RGS7: variants seen among roughly 807,000 people sequenced by gnomAD.
RGS7 encodes regulator of G-protein signaling 7.
In RGS7, 27 loss-of-function variants were observed where a neutral mutation model predicts 81.1. The ratio of observed to expected loss-of-function variants is 0.33; its 90% CI spans 0.25 to 0.46. The LOEUF is 0.46. Among genes scored for constraint, RGS7 ranks in the 20% least tolerant of loss-of-function variants. The probability of loss-of-function intolerance (pLI) is 1.00; values close to 1 mark genes in which losing one functional copy is unlikely to be tolerated. For missense variants in RGS7, 396 were observed against 607.4 expected (o/e 0.65, Z 3.66); for synonymous variants, 208 against 207.7 (o/e 1.00, Z -0.01).
intron 2 of RGS7, 42 bp from the exon 3 acceptor site, chr1:241,098,804 C>A (rs1461648461): frequency 6.8e-7 from 1 of 1,463,974 alleles, no homozygotes. Context: ...TAAAGTTGAA[C>A]TTTTTTGAAA....
At chr1:241,258,706 T>C (rs1205584577) in intron 2 of RGS7, among the ~76,000 whole-genome samples, 2 of 152,154 alleles carry the variant, frequency 1.3e-5, no homozygotes, top group African/African-American at 4.8e-5. Flanking sequence ...TGAACTGATT[T>C]GGGCTAGAAA....
rs1245816529 is a variant in RGS7 at position 241,197,497 on chromosome 1, G to A, written c.79-98735C>T. Among the ~76,000 whole-genome samples the A allele has an allele frequency of 1.2e-3, 7 of 5,754 alleles. 3 individuals carry two copies. The highest frequency in any genetic ancestry group is 3.4e-3 in the Non-Finnish European group (7 of 2,054). 3.8% of individuals were successfully genotyped at this position (5,754 alleles called of 152,430 possible). Reference sequence around the variant, plus strand: ...TCTCGATCTCCTGACCTCGTGATCCGCCCGCCTCGGCCTCCCAAAGTGCTG... The same window carrying A: ...TCTCGATCTCCTGACCTCGTGATCCACCCGCCTCGGCCTCCCAAAGTGCTG... On this transcript the variant is annotated intron_variant, in intron 2 of 18. Transcript: ENST00000440928.
At chr1:241,048,734 TC>T (rs2061084635) in intron 3 of RGS7, among the ~76,000 whole-genome samples, 1 of 152,190 alleles carries the variant, frequency 6.6e-6, no homozygotes, top group African/African-American at 2.4e-5. Flanking sequence ...GGTCTTTTCA[TC>T]CCATTCTTAT....
At chr1:240,942,859 T>C (rs1024256712) in intron 4 of RGS7, among the ~76,000 whole-genome samples, 1 of 152,224 alleles carries the variant, frequency 6.6e-6, no homozygotes, top group Non-Finnish European at 1.5e-5. Context: ...AGATTATTCA[T>C]GTAGAAAAAT....
chr1:241,240,802 G>A (rs1027793842), intron 2 of RGS7, among the ~76,000 whole-genome samples: 15 of 152,054 alleles, frequency 9.9e-5, no homozygotes, highest in African/African-American at 2.7e-4. Context: ...ATAGGTAAAC[G>A]GCTAGGATCG....
At chr1:241,131,504 C>G (rs1229006685) in intron 2 of RGS7, among the ~76,000 whole-genome samples, 1 of 152,060 alleles carries the variant, frequency 6.6e-6, no homozygotes, top group Non-Finnish European at 1.5e-5. Flanking sequence ...TGGTTGGGAA[C>G]CACACTTTGA....
chr1:240,780,730 A>C (rs1322112540), intron 18 of RGS7, among the ~76,000 whole-genome samples: 1 of 151,890 alleles, frequency 6.6e-6, no homozygotes, highest in African/African-American at 2.4e-5. Flanking sequence ...CCTGGCCAAC[A>C]TGTTGAAACC....
In RGS7 at chr1:240,936,725, C is replaced by CA. The variant is rs1189201257; in HGVS notation, c.227-20dup. ...GCCTCCACTGTTTTATGAAAACAAA[C>CA]AAAGAACATAAAAAAGCCTTTTAAA... On this transcript the variant is annotated intron_variant, in intron 4 of 18. Coordinates refer to ENST00000440928, the MANE Select transcript of RGS7 (RefSeq NM_001364886.1). 6.3e-7 allele frequency: 1 copy of CA among 1,576,314 alleles called. No individual in the cohort carries two copies. The highest frequency in any genetic ancestry group is 8.7e-7 in the Non-Finnish European group (1 of 1,145,834).
At chr1:241,141,289 G>C (rs1327182533) in intron 2 of RGS7, among the ~76,000 whole-genome samples, 1 of 152,150 alleles carries the variant, frequency 6.6e-6, no homozygotes, top group African/African-American at 2.4e-5. Context: ...CCATGAGGCA[G>C]TTCAAATCTG....
At chr1:241,151,579 T>C (rs1461294229) in intron 2 of RGS7, among the ~76,000 whole-genome samples, 1 of 150,084 alleles carries the variant, frequency 6.7e-6, no homozygotes, top group Admixed American at 6.6e-5. Flanking sequence ...TTTTTTTTTT[T>C]TTTTTTTTAC....
At chr1:241,083,494 AGC>A (rs1474563130) in intron 3 of RGS7, among the ~76,000 whole-genome samples, 1 of 152,170 alleles carries the variant, frequency 6.6e-6, no homozygotes, top group African/African-American at 2.4e-5. Context: ...CTTGTTCCGC[AGC>A]TCGATTGGCT....
At chr1:241,239,719 G>A (rs1304679344) in intron 2 of RGS7, among the ~76,000 whole-genome samples, 4 of 152,166 alleles carry the variant, frequency 2.6e-5, no homozygotes, top group African/African-American at 4.8e-5. Flanking sequence ...AGCAGCAAAC[G>A]GGACATGTCA....
intron 18 of RGS7, among the ~76,000 whole-genome samples, chr1:240,799,597 C>T (rs1489691730): frequency 6.6e-6 from 1 of 151,942 alleles, no homozygotes; most frequent in East Asian, 1.9e-4. Flanking sequence ...CTTCCCTAGG[C>T]CACATTGCAA....
intron 2 of RGS7, among the ~76,000 whole-genome samples, chr1:241,279,586 C>T (rs1368172600): frequency 1.3e-5 from 2 of 152,146 alleles, no homozygotes; most frequent in African/African-American, 4.8e-5. Flanking sequence ...TCTTCCAATG[C>T]TAACATCTTG....
chr1:241,112,536 G>T (rs983756124), intron 2 of RGS7, among the ~76,000 whole-genome samples: 1 of 152,192 alleles, frequency 6.6e-6, no homozygotes, highest in East Asian at 1.9e-4. Context: ...TTTATTTCAG[G>T]TGTACACACT....
At chr1:241,091,598 A>T (rs139795516) in intron 3 of RGS7, among the ~76,000 whole-genome samples, 2,719 of 145,252 alleles carry the variant, frequency 0.019, 44 homozygotes, top group Non-Finnish European at 0.028. Context: ...AATAAATAAA[A>T]AAGCTGGCCG....
chr1:241,050,656 G>A (rs1258772517), intron 3 of RGS7, among the ~76,000 whole-genome samples: 1 of 151,992 alleles, frequency 6.6e-6, no homozygotes, highest in East Asian at 1.9e-4. Flanking sequence ...CCACTCCTGA[G>A]ACAGCAACAC....
At chr1:241,268,408 C>T (rs1460690515) in intron 2 of RGS7, among the ~76,000 whole-genome samples, 2 of 152,158 alleles carry the variant, frequency 1.3e-5, no homozygotes, top group Non-Finnish European at 2.9e-5. Flanking sequence ...CTGGCCTCTA[C>T]CCACTACACG....
At chr1:240,815,777 T>A (rs1482037579) in intron 11 of RGS7, among the ~76,000 whole-genome samples, 1 of 152,088 alleles carries the variant, frequency 6.6e-6, no homozygotes, top group East Asian at 1.9e-4. Flanking sequence ...TTACTTGGAG[T>A]CAACACCATT....
Sources: allele counts gnomAD v4.1 joint callset (sites outside exome capture counted in the v4.1 genomes callset), GRCh38; gene constraint gnomAD v4.1.1; transcripts MANE v1.5; gene names NCBI Gene and HGNC (gene_info 2026-07-23, HGNC 2026-07-21).